The following GALNT13 variants were observed in gnomAD, a reference collection of about 807,000 sequenced individuals.
GALNT13 encodes the protein polypeptide N-acetylgalactosaminyltransferase 13, also known as UDP-GalNAc:polypeptide N-acetylgalactosaminyltransferase 13.
Under a neutral mutation model 64.2 loss-of-function variants are expected in GALNT13, and 28 were observed. The ratio of observed to expected loss-of-function variants is 0.44; its 90% CI spans 0.32 to 0.60. GALNT13 has a LOEUF of 0.60. GALNT13 is among the 20% of genes least tolerant of loss of function. GALNT13 has a pLI of 0.05. For synonymous variants in GALNT13, 214 were observed against 224.6 expected (o/e 0.95, Z 0.42); for missense variants, 577 against 669.8 (o/e 0.86, Z 1.53).
the GALNT13 span, among the ~76,000 whole-genome samples, chr2:153,615,804 G>A: frequency 6.6e-6 from 1 of 151,822 alleles, no homozygotes; most frequent in Non-Finnish European, 1.5e-5. Context: ...TTTCTATAGA[G>A]TTGTTTGAGC....
At chr2:153,222,327 T>TGGGGG in the GALNT13 span, among the ~76,000 whole-genome samples, 1 of 95,580 alleles carries the variant, frequency 1.0e-5, no homozygotes, top group Non-Finnish European at 2.1e-5. Flanking sequence ...GGGGGGGGGG[T>TGGGGG]GGGGTGGGGG....
chr2:154,262,285 G>T (rs1690739887), intron 8 of GALNT13, among the ~76,000 whole-genome samples: 1 of 152,058 alleles, frequency 6.6e-6, no homozygotes, highest in African/African-American at 2.4e-5. Context: ...CCTCATTAAG[G>T]TTCATCTCTC....
the GALNT13 span, among the ~76,000 whole-genome samples, chr2:153,083,368 G>T: frequency 6.6e-6 from 1 of 152,158 alleles, no homozygotes; most frequent in Non-Finnish European, 1.5e-5. Context: ...TAATGTAAAA[G>T]TGCTCCCTTT....
the GALNT13 span, among the ~76,000 whole-genome samples, chr2:153,190,155 A>G: frequency 6.6e-6 from 1 of 152,114 alleles, no homozygotes; most frequent in Non-Finnish European, 1.5e-5. Flanking sequence ...GATCTTAGCC[A>G]TAAAATGTTT....
At chr2:153,125,043 G>T in the GALNT13 span, among the ~76,000 whole-genome samples, 1 of 152,256 alleles carries the variant, frequency 6.6e-6, no homozygotes. Flanking sequence ...TTACCAATTA[G>T]ATTTGAATTT....
At chr2:153,246,869 C>A in the GALNT13 span, among the ~76,000 whole-genome samples, 35 of 152,102 alleles carry the variant, frequency 2.3e-4, no homozygotes, top group African/African-American at 8.5e-4. Context: ...GATAAAGTGT[C>A]AAGACCCATC....
intron 11 of GALNT13, among the ~76,000 whole-genome samples, chr2:154,416,589 G>A (rs1332814452): frequency 6.6e-6 from 1 of 152,112 alleles, no homozygotes. Flanking sequence ...AACACTCTAG[G>A]TAGTATATGA....
chr2:153,871,980 G>A lies in GALNT13; in HGVS notation c.-500G>A, dbSNP rs1395499655. ...CGTGCTAGCAGCCCTCGCTCGCTCT[G>A]GGCGCCTCCTCGGCCTCAGCGTCCG... On this transcript the variant is annotated 5_prime_UTR_variant, in exon 1 of 13. Coordinates refer to ENST00000392825, the MANE Select transcript of GALNT13 (RefSeq NM_052917.4). 1.3e-5 allele frequency: 2 copies of A among 152,232 alleles called. No homozygotes were observed. Among genetic ancestry groups the A allele is most frequent in the East Asian group, 3.9e-4 (2 of 5,134 alleles). 9.4% of individuals were successfully genotyped at this position (152,232 alleles called of 1,614,324 possible).
At chr2:154,335,379 A>G (rs1456971639) in intron 9 of GALNT13, among the ~76,000 whole-genome samples, 4 of 152,038 alleles carry the variant, frequency 2.6e-5, no homozygotes. Flanking sequence ...AAGTATCTAA[A>G]ATAATGTCAT....
the GALNT13 span, among the ~76,000 whole-genome samples, chr2:153,360,979 G>A: frequency 6.6e-6 from 1 of 152,152 alleles, no homozygotes; most frequent in Non-Finnish European, 1.5e-5. Flanking sequence ...ACTGGCATCA[G>A]ATTGGTGCCC....
intron 3 of GALNT13, among the ~76,000 whole-genome samples, chr2:154,052,495 T>C (rs1699679418): frequency 6.6e-6 from 1 of 152,156 alleles, no homozygotes; most frequent in Non-Finnish European, 1.5e-5. Context: ...TGTGTTTCTT[T>C]TACTATTTTT....
chr2:153,790,282 A>G, the GALNT13 span, among the ~76,000 whole-genome samples: 2 of 152,194 alleles, frequency 1.3e-5, no homozygotes, highest in African/African-American at 4.8e-5. Flanking sequence ...TTCAACATAC[A>G]CAAATCAATA....
At chr2:154,340,531 C>G (rs1315369628) in intron 9 of GALNT13, among the ~76,000 whole-genome samples, 1 of 151,942 alleles carries the variant, frequency 6.6e-6, no homozygotes, top group African/African-American at 2.4e-5. Context: ...CTTTATTATT[C>G]CGTGTGTTGC....
At chr2:153,159,965 A>G in the GALNT13 span, among the ~76,000 whole-genome samples, 2 of 152,210 alleles carry the variant, frequency 1.3e-5, no homozygotes, top group Non-Finnish European at 2.9e-5. Flanking sequence ...CCACTTTTAA[A>G]TAAGTAGTTT....
At chr2:154,371,477 G>T (rs954276967) in intron 9 of GALNT13, among the ~76,000 whole-genome samples, 4 of 151,956 alleles carry the variant, frequency 2.6e-5, no homozygotes, top group African/African-American at 4.8e-5. Flanking sequence ...CTGTAGTTTT[G>T]ATTGTATTTT....
intron 8 of GALNT13, among the ~76,000 whole-genome samples, chr2:154,280,566 A>G (rs1442454821): frequency 6.6e-6 from 1 of 152,230 alleles, no homozygotes; most frequent in Admixed American, 6.5e-5. Flanking sequence ...AGAGGTGGAC[A>G]TTTACAGATG....
chr2:153,390,323 C>T, the GALNT13 span, among the ~76,000 whole-genome samples: 2 of 151,860 alleles, frequency 1.3e-5, no homozygotes, highest in African/African-American at 2.4e-5. Flanking sequence ...AGGTGGGGGG[C>T]TAGGGGCAGG....
intron 9 of GALNT13, among the ~76,000 whole-genome samples, chr2:154,306,286 T>C (rs1447786801): frequency 2.0e-5 from 3 of 152,094 alleles, no homozygotes; most frequent in African/African-American, 4.8e-5. Flanking sequence ...TTTCTCCTAA[T>C]GCTATCCCTC....
chr2:153,664,721 G>A, the GALNT13 span, among the ~76,000 whole-genome samples: 8 of 152,142 alleles, frequency 5.3e-5, no homozygotes, highest in East Asian at 3.9e-4. Context: ...ATAAATGTCC[G>A]TGAAATCTTC....
Sources: allele counts gnomAD v4.1 joint callset (sites outside exome capture counted in the v4.1 genomes callset), GRCh38; gene constraint gnomAD v4.1.1; transcripts MANE v1.5; gene names NCBI Gene and HGNC (gene_info 2026-07-23, HGNC 2026-07-21).